Variants in WNK2 observed in about 807,000 individuals in gnomAD.
WNK2 encodes the protein WNK lysine deficient protein kinase 2, also known as serine/threonine-protein kinase WNK2.
A neutral mutation model predicts 192.1 loss-of-function variants in WNK2; 67 were observed. The ratio of observed to expected loss-of-function variants is 0.35; its 90% confidence interval spans 0.29 to 0.43. WNK2 has a LOEUF of 0.43. Among genes scored for constraint, WNK2 ranks in the 20% least tolerant of loss-of-function variants. The probability of loss-of-function intolerance (pLI) is 1.00; values close to 1 mark genes in which losing one functional copy is unlikely to be tolerated. For missense variants in WNK2, 2,698 were observed against 3,089.7 expected, an observed-to-expected ratio of 0.87 and a Z score of 3.01; for synonymous variants, 1,439 against 1,393.9, an observed-to-expected ratio of 1.03 and a Z score of -0.72.
At chr9:93,199,442 A>G (rs1221648669) in intron 2 of WNK2, among the ~76,000 whole-genome samples, 1 of 152,054 alleles carries the variant, frequency 6.6e-6, no homozygotes, top group Non-Finnish European at 1.5e-5. Flanking sequence ...TAGGCCTCCT[A>G]TCTGGCCCTG....
At chr9:93,309,263 A>G (rs1327717702) in intron 28 of WNK2, 1 of 399,676 alleles carries the variant, frequency 2.5e-6, no homozygotes, top group Admixed American at 6.4e-5. Context: ...CTTTAACCTT[A>G]AAATTTATTT....
intron 3 of WNK2, among the ~76,000 whole-genome samples, chr9:93,230,439 A>T (rs948281531): frequency 6.6e-6 from 1 of 152,186 alleles, no homozygotes; most frequent in African/African-American, 2.4e-5. Context: ...CCCAGGGCAC[A>T]GCTCAGGGCA....
chr9:93,233,323 G>A (rs1839226262), intron 4 of WNK2, among the ~76,000 whole-genome samples: 1 of 152,134 alleles, frequency 6.6e-6, no homozygotes, highest in Admixed American at 6.5e-5. Flanking sequence ...GTTTCTCATG[G>A]GTTCTTCCAG....
At position 93,290,003 on chromosome 9, in the gene WNK2, C is replaced by T. The variant is rs559384615; in HGVS notation, c.4892C>T (p.Thr1631Ile). ...PLVEKSELAP[T>I]RGAVMEQGTS... is the part of the protein sequence containing the mutation. ...GTGGAGAAGTCAGAACTGGCCCCCA[C>T]TCGAGGGGCCGTGATGGAGCAGGGC... Residue 1631 changes from threonine (T) to isoleucine (I), a missense_variant, in exon 21 of 30, where the codon ACT becomes ATT. Physicochemically the swap from Thr to Ile is moderately conservative, Grantham distance 89. Coordinates refer to ENST00000427277, the MANE Select transcript of WNK2 (RefSeq NM_006648.4). 1.0e-5 allele frequency: 16 copies of T among 1,578,306 alleles called. No homozygotes were observed. The highest frequency in any genetic ancestry group is 1.4e-5 in the Non-Finnish European group (16 of 1,160,958).
chr9:93,218,249 C>T (rs1047689783), intron 2 of WNK2, among the ~76,000 whole-genome samples: 1 of 152,200 alleles, frequency 6.6e-6, no homozygotes, highest in Admixed American at 6.5e-5. Context: ...GGTGCCCCGC[C>T]TGCCCCACCC....
intron 26 of WNK2, among the ~76,000 whole-genome samples, chr9:93,302,250 G>A (rs572190564): frequency 6.8e-4 from 104 of 152,354 alleles, no homozygotes; most frequent in African/African-American, 2.3e-3. Context: ...GGACTTGGGC[G>A]GAAGCTGTGG....
chr9:93,306,427 A>C (rs1852551192), intron 26 of WNK2, among the ~76,000 whole-genome samples: 1 of 151,666 alleles, frequency 6.6e-6, no homozygotes, highest in Non-Finnish European at 1.5e-5. Context: ...GGCTCCCAGA[A>C]GCCTGATGTT....
intron 14 of WNK2, 133 bp from the exon 15 acceptor site, chr9:93,263,433 G>GGC: frequency 1.2e-6 from 1 of 812,148 alleles, no homozygotes; most frequent in Non-Finnish European, 1.7e-6. Flanking sequence ...ATTCGCACAG[G>GGC]ACGGGCTGCC....
chr9:93,196,996 C>T (rs567102616), intron 2 of WNK2, among the ~76,000 whole-genome samples: 1 of 152,302 alleles, frequency 6.6e-6, no homozygotes, highest in South Asian at 2.1e-4. Flanking sequence ...TGATGATTTT[C>T]CTTCCCTCCT....
chr9:93,317,827 GC>G, intron 29 of WNK2, 196 bp downstream of exon 29: 4 of 1,498,766 alleles, frequency 2.7e-6, no homozygotes, highest in Non-Finnish European at 3.6e-6. Flanking sequence ...AGCATGCCTG[GC>G]CCCCGGCTGC....
In WNK2 at chr9:93,185,187, G is replaced by A; in HGVS notation, c.258G>A (p.Ala86=). 4.2e-6 allele frequency: 5 copies of A among 1,182,878 alleles called. No individual in the cohort carries two copies. Among genetic ancestry groups the A allele is most frequent in the South Asian group, 3.4e-5 (1 of 29,060 alleles). 73.3% of individuals were successfully genotyped at this position (1,182,878 alleles called of 1,614,324 possible). A position where few individuals can be genotyped will look rare whatever the true frequency, so the allele number is the denominator to read the frequency against. ...TCTGCAAGACGCGCCGCCTCATCGC[G>A]GAGCGCGCCCGCGGACGCCCCGCCG... is the stretch of plus-strand genomic sequence containing the variant. ...LLLCKTRRLI[A]ERARGRPAAP... is the part of the protein sequence containing the mutation. The change falls in exon 2 of 30, where the codon GCG becomes GCA. Residue 86 remains alanine, a synonymous_variant. Coordinates refer to ENST00000427277, the MANE Select transcript of WNK2 (RefSeq NM_006648.4).
intron 2 of WNK2, among the ~76,000 whole-genome samples, chr9:93,204,030 G>T (rs537831592): frequency 2.6e-5 from 4 of 152,206 alleles, no homozygotes; most frequent in African/African-American, 9.6e-5. Flanking sequence ...TGTCAGGGAA[G>T]GCTGGCTGGT....
intron 26 of WNK2, among the ~76,000 whole-genome samples, chr9:93,301,626 C>CTGTG (rs1851630917): frequency 1.3e-5 from 2 of 152,188 alleles, no homozygotes; most frequent in Non-Finnish European, 2.9e-5. Context: ...TGGCAGCCGG[C>CTGTG]TGTGGTTCCT....
At chr9:93,294,034 C>T (rs532925496) in intron 23 of WNK2, among the ~76,000 whole-genome samples, 1 of 152,116 alleles carries the variant, frequency 6.6e-6, no homozygotes, top group South Asian at 2.1e-4. Flanking sequence ...TGTCCTGCTG[C>T]GGCTGGGGGG....
intron 8 of WNK2, among the ~76,000 whole-genome samples, chr9:93,252,284 G>A (rs950571326): frequency 6.6e-6 from 1 of 152,204 alleles, no homozygotes; most frequent in African/African-American, 2.4e-5. Flanking sequence ...TGAGCCATGC[G>A]AGGCCTCTGG....
chr9:93,317,526 G>T lies in WNK2; in HGVS notation c.6523G>T (p.Ala2175Ser). The stretch of plus-strand genomic sequence containing the variant: ...TCGTCTCTGTGTTTTGTAGATGACC[G>T]CACCTCGAGCAGGAGTGGGGATGCC... ...AAPGEARAMTAPRAGVGMPRL... is the reference protein window; with the variant it reads ...AAPGEARAMTSPRAGVGMPRL... The change falls in exon 29 of 30, where the codon GCA becomes TCA. Residue 2175 changes from alanine to serine, a missense_variant. By Grantham distance (99) the Ala-to-Ser change is moderately conservative (BLOSUM62 1). Around this residue, in one of 7 missense-constraint regions of WNK2, gnomAD observed 167 missense variants for 184.2 expected, o/e 0.91. Coordinates refer to ENST00000427277, the MANE Select transcript of WNK2 (RefSeq NM_006648.4). 6.2e-7 allele frequency: 1 copy of T among 1,613,596 alleles called. No homozygotes were observed.
chr9:93,248,664 G>A (rs1009488848), intron 8 of WNK2, among the ~76,000 whole-genome samples: 1 of 152,180 alleles, frequency 6.6e-6, no homozygotes, highest in Admixed American at 6.5e-5. Flanking sequence ...ATTTTCAGTA[G>A]GGTGTTACTG....
intron 29 of WNK2, chr9:93,319,379 G>T (rs1360538483): frequency 1.0e-6 from 1 of 985,326 alleles, no homozygotes; most frequent in East Asian, 1.1e-4. Flanking sequence ...CCCGGCAGGG[G>T]TCTGAGAGCA....
At chr9:93,206,954 C>T (rs1158620395) in intron 2 of WNK2, among the ~76,000 whole-genome samples, 1 of 152,088 alleles carries the variant, frequency 6.6e-6, no homozygotes, top group Non-Finnish European at 1.5e-5. Flanking sequence ...TAGAGGACTC[C>T]CTGGCCCTGT....
Sources: allele counts gnomAD v4.1 joint callset (sites outside exome capture counted in the v4.1 genomes callset), GRCh38; gene constraint gnomAD v4.1.1; regional missense constraint gnomAD v4.1.1; transcripts MANE v1.5; gene names NCBI Gene and HGNC (gene_info 2026-07-23, HGNC 2026-07-21).